Variants in KCNIP1 observed in about 807,000 individuals in gnomAD.
The protein encoded by KCNIP1 is A-type potassium channel modulatory protein KCNIP1.
KCNIP1 carries 18 observed loss-of-function variants against 33.0 expected under a neutral mutation model. The observed-to-expected ratio is 0.55, with a 90% confidence interval of 0.38 to 0.81. KCNIP1 has a LOEUF of 0.81. Ranked by LOEUF, KCNIP1 falls within the 30% of genes least tolerant of loss-of-function variation. KCNIP1 has a pLI of 0.00. For missense variants in KCNIP1, 238 were observed against 271.6 expected (o/e 0.88, Z 0.87); for synonymous variants, 93 against 98.3 (o/e 0.95, Z 0.32).
chr5:170,420,105 T>C (rs577968226), intron 1 of KCNIP1, among the ~76,000 whole-genome samples: 3 of 152,314 alleles, frequency 2.0e-5, no homozygotes, highest in Non-Finnish European at 4.4e-5. Flanking sequence ...AGGAACCAGG[T>C]AAAATCCATT....
At chr5:170,390,879 C>G (rs1296036199) in intron 1 of KCNIP1, among the ~76,000 whole-genome samples, 1 of 152,132 alleles carries the variant, frequency 6.6e-6, no homozygotes, top group Non-Finnish European at 1.5e-5. Flanking sequence ...GCCTGGCCTT[C>G]CCTGCTGAGC....
In KCNIP1 at chr5:170,459,851, C is replaced by A. The variant is rs374841300; in HGVS notation, c.88+105887C>A. On this transcript the variant is annotated intron_variant, in intron 1 of 7. Coordinates refer to the KCNIP1 transcript ENST00000377360. ...GGAAATAACCAAGATCAGAGCAGAACTAAATGAAATTGAAACAAAAAAATT... is the reference window on the plus strand; with the variant it reads ...GGAAATAACCAAGATCAGAGCAGAAATAAATGAAATTGAAACAAAAAAATT... Among the ~76,000 whole-genome samples, 85 of 152,110 alleles carry A rather than the reference C, an allele frequency of 5.6e-4. 1 individual carries two copies. In the East Asian group the frequency reaches 0.011, roughly 20 times the overall value.
chr5:170,456,702 T>TTTCTTTC (rs1756388174), intron 1 of KCNIP1, among the ~76,000 whole-genome samples: 1 of 506 alleles, frequency 2.0e-3, no homozygotes, highest in Admixed American at 0.021. Flanking sequence ...TCTCTCTCTT[T>TTTCTTTC]TTCTTTCTTT....
chr5:170,726,253 C>A (rs1764000993), intron 5 of KCNIP1, among the ~76,000 whole-genome samples: 1 of 151,818 alleles, frequency 6.6e-6, no homozygotes, highest in African/African-American at 2.4e-5. Flanking sequence ...AGACTGGCAT[C>A]CAAAATATAT....
intron 1 of KCNIP1, among the ~76,000 whole-genome samples, chr5:170,435,049 T>C (rs756121757): frequency 7.2e-5 from 11 of 152,212 alleles, no homozygotes; most frequent in Admixed American, 1.3e-4. Flanking sequence ...TGTGAGCCTG[T>C]CTGGGCTGGG....
At chr5:170,614,849 G>T (rs920325761) in intron 1 of KCNIP1, among the ~76,000 whole-genome samples, 1 of 152,214 alleles carries the variant, frequency 6.6e-6, no homozygotes, top group East Asian at 1.9e-4. Context: ...TGAGGGCAAG[G>T]CCTGTTTCTC....
At chr5:170,692,119 A>T (rs1762742987) in intron 1 of KCNIP1, among the ~76,000 whole-genome samples, 1 of 152,172 alleles carries the variant, frequency 6.6e-6, no homozygotes, top group Non-Finnish European at 1.5e-5. Context: ...AGAGCCCCAG[A>T]CATGCAACAC....
chr5:170,366,985 T>C (rs1763680129), intron 1 of KCNIP1, among the ~76,000 whole-genome samples: 1 of 152,206 alleles, frequency 6.6e-6, no homozygotes, highest in Non-Finnish European at 1.5e-5. Flanking sequence ...TTGGCTGGAC[T>C]GTGAACTTGT....
chr5:170,486,218 C>T (rs1322921527), intron 1 of KCNIP1: 1 of 152,172 alleles, frequency 6.6e-6, no homozygotes, highest in Non-Finnish European at 1.5e-5. Flanking sequence ...GAGGTGGGGA[C>T]AACGTCCTTG....
chr5:170,587,113 T>G (rs1462160619), intron 1 of KCNIP1, among the ~76,000 whole-genome samples: 1 of 152,058 alleles, frequency 6.6e-6, no homozygotes, highest in Non-Finnish European at 1.5e-5. Flanking sequence ...TTATCACAAA[T>G]TCAGTGGCTT....
chr5:170,471,394 C>T (rs2055606), intron 1 of KCNIP1, among the ~76,000 whole-genome samples: 7,143 of 152,314 alleles, frequency 0.047, 312 homozygotes, highest in Admixed American at 0.096. Context: ...GTATATTAGT[C>T]AATGTCTGCA....
intron 1 of KCNIP1, among the ~76,000 whole-genome samples, chr5:170,608,847 T>TC (rs34906863): frequency 6.6e-6 from 1 of 151,870 alleles, no homozygotes; most frequent in Non-Finnish European, 1.5e-5. Flanking sequence ...GTCATATTAC[T>TC]CCCCCCTTAC....
chr5:170,507,606 C>T (rs1174866644), intron 1 of KCNIP1, among the ~76,000 whole-genome samples: 2 of 152,230 alleles, frequency 1.3e-5, no homozygotes, highest in African/African-American at 4.8e-5. Context: ...CTGACCTCTA[C>T]TCTGTGGCTT....
intron 1 of KCNIP1, among the ~76,000 whole-genome samples, chr5:170,362,594 G>GA (rs1418193160): frequency 1.3e-5 from 2 of 152,004 alleles, no homozygotes; most frequent in African/African-American, 2.4e-5. Flanking sequence ...AGGGAGGGGA[G>GA]AAAAAAGGAA....
At chr5:170,563,410 C>T (rs1002029772) in intron 1 of KCNIP1, among the ~76,000 whole-genome samples, 17 of 152,184 alleles carry the variant, frequency 1.1e-4, no homozygotes, top group African/African-American at 4.1e-4. Flanking sequence ...ACTGACATCA[C>T]CTGCTCACAC....
chr5:170,392,117 C>T (rs1419398886), intron 1 of KCNIP1, among the ~76,000 whole-genome samples: 3 of 152,190 alleles, frequency 2.0e-5, no homozygotes, highest in African/African-American at 7.2e-5. Flanking sequence ...GAACCAGCCA[C>T]CATGTTGTAG....
At chr5:170,671,150 C>T (rs1426531866) in intron 1 of KCNIP1, among the ~76,000 whole-genome samples, 2 of 152,160 alleles carry the variant, frequency 1.3e-5, no homozygotes, top group Admixed American at 6.5e-5. Flanking sequence ...CACACATACA[C>T]GCGCAAAATG....
chr5:170,692,236 C>A (rs1255262678), intron 1 of KCNIP1, among the ~76,000 whole-genome samples: 1 of 152,126 alleles, frequency 6.6e-6, no homozygotes, highest in Non-Finnish European at 1.5e-5. Flanking sequence ...CCTAAGGTAC[C>A]ACCACGGCCA....
At chr5:170,369,966 T>G (rs548131352) in intron 1 of KCNIP1, among the ~76,000 whole-genome samples, 1 of 152,320 alleles carries the variant, frequency 6.6e-6, no homozygotes, top group Non-Finnish European at 1.5e-5. Flanking sequence ...ATACGGCCTC[T>G]GTGGGTAGGA....
Sources: gnomAD v4.1 joint callset for allele counts (sites outside exome capture counted in the v4.1 genomes callset) on GRCh38, gnomAD v4.1.1 for gene constraint, MANE v1.5 for transcripts, NCBI Gene and HGNC (gene_info 2026-07-23, HGNC 2026-07-21) for gene names.